Variants in ALMS1 observed in about 807,000 individuals in gnomAD.
ALMS1 encodes the protein centrosome-associated protein ALMS1.
In ALMS1, 271 loss-of-function variants were observed where a neutral mutation model predicts 352.2. The observed-to-expected ratio is 0.77, with a 90% CI of 0.70 to 0.85. The LOEUF (loss-of-function observed/expected upper bound fraction) is 0.85, where lower values mean the gene tolerates loss of function less well. Among genes scored for constraint, ALMS1 ranks in the 40% least tolerant of loss-of-function variants. The pLI is 0.00. For synonymous variants in ALMS1, 1,865 were observed against 1,761.2 expected (o/e 1.06, Z -1.48); for missense variants, 5,445 against 4,870.7 (o/e 1.12, Z -3.51).
intron 17 of ALMS1, among the ~76,000 whole-genome samples, chr2:73,600,309 C>T (rs1675648649): frequency 6.6e-6 from 1 of 152,066 alleles, no homozygotes; most frequent in South Asian, 2.1e-4. Flanking sequence ...TGTTTCTTCC[C>T]CTCAAATCCT....
At chr2:73,496,032 T>C (rs1255114760) in intron 10 of ALMS1, among the ~76,000 whole-genome samples, 3 of 152,228 alleles carry the variant, frequency 2.0e-5, no homozygotes, top group Non-Finnish European at 4.4e-5. Context: ...CCCTTCCCCA[T>C]ATTCTTCAGT....
rs185423930 is a variant in ALMS1 at position 73,601,251 on chromosome 2, G to A, written c.11929G>A (p.Val3977Met). 28 of 1,614,216 alleles carry A rather than the reference G, an allele frequency of 1.7e-5. No homozygotes were observed. The Middle Eastern group carries it at 8.2e-4, about 48-fold the overall frequency. The change falls in exon 19 of 23, where the codon GTG becomes ATG. Residue 3977 changes from valine (V) to methionine (M), a missense_variant. Transcript: ENST00000613296. ...GGAGTCTAGATCAAAGAAGGAAAAC[G>A]TGCCTAACACTTGTGGCCCTGGCAT... is the stretch of plus-strand genomic sequence containing the variant. Reference protein sequence around the residue: ...NVESRSKKENVPNTCGPGISW... With the variant: ...NVESRSKKENMPNTCGPGISW...
chr2:73,551,753 G>A (rs1258375067), intron 13 of ALMS1, among the ~76,000 whole-genome samples: 1 of 151,860 alleles, frequency 6.6e-6, no homozygotes, highest in African/African-American at 2.4e-5. Context: ...TTTTATAAAA[G>A]CTTTTTTTCT....
chr2:73,579,977 T>C (rs1675138974), intron 16 of ALMS1, among the ~76,000 whole-genome samples: 1 of 152,204 alleles, frequency 6.6e-6, no homozygotes, highest in Non-Finnish European at 1.5e-5. Flanking sequence ...TCTGCCCCTT[T>C]CTTTCTCTCT....
intron 19 of ALMS1, among the ~76,000 whole-genome samples, chr2:73,601,752 C>T (rs866404350): frequency 2.6e-4 from 39 of 152,234 alleles, no homozygotes; most frequent in Non-Finnish European, 3.2e-4. Context: ...GACGCTTGTG[C>T]GGCCTCATGT....
At chr2:73,393,005 C>T (rs1164300821) in intron 1 of ALMS1, among the ~76,000 whole-genome samples, 1 of 152,106 alleles carries the variant, frequency 6.6e-6, no homozygotes, top group Non-Finnish European at 1.5e-5. Flanking sequence ...TATTACCTGA[C>T]TTTTTTGTAG....
chr2:73,530,454 C>T (rs896167845), intron 11 of ALMS1, among the ~76,000 whole-genome samples: 1 of 152,212 alleles, frequency 6.6e-6, no homozygotes, highest in Non-Finnish European at 1.5e-5. Context: ...GCTCCCACAG[C>T]CTTGGGCAGC....
chr2:73,572,139 A>G, intron 15 of ALMS1, 123 bp from the exon 16 acceptor site: 1 of 834,788 alleles, frequency 1.2e-6, no homozygotes, highest in South Asian at 2.0e-5. Context: ...GAATTTTCTG[A>G]TACCTTATAT....
chr2:73,476,234 T>G (rs1382506579), intron 9 of ALMS1, among the ~76,000 whole-genome samples: 1 of 152,102 alleles, frequency 6.6e-6, no homozygotes, highest in Non-Finnish European at 1.5e-5. Context: ...ATTTCCTTCT[T>G]TTTTGAGATT....
chr2:73,557,440 T>G, intron 14 of ALMS1, 86 bp downstream of exon 14: 1 of 1,546,794 alleles, frequency 6.5e-7, no homozygotes, highest in African/African-American at 1.4e-5. Flanking sequence ...CAGAAATATA[T>G]TCTCTATTTT....
chr2:73,539,988 A>G (rs1331536672), intron 12 of ALMS1, among the ~76,000 whole-genome samples: 2 of 152,234 alleles, frequency 1.3e-5, no homozygotes, highest in Admixed American at 6.5e-5. Flanking sequence ...CTAGCAAGGC[A>G]GGCCAACATT....
intron 16 of ALMS1, among the ~76,000 whole-genome samples, chr2:73,573,773 T>G (rs1052017238): frequency 2.0e-5 from 3 of 151,944 alleles, no homozygotes; most frequent in African/African-American, 7.2e-5. Context: ...TTTTAATTCA[T>G]TCCTCTCTGT....
In ALMS1 at chr2:73,451,436, CTAAA is replaced by C. The variant is rs779366889; in HGVS notation, c.4914_4917del (p.Asn1638LysfsTer4). The C allele has an allele frequency of 3.7e-6, 6 of 1,613,044 alleles. No homozygotes were observed. In the East Asian group the frequency reaches 1.1e-4, roughly 30 times the overall value. On this transcript the variant is annotated frameshift_variant, in exon 8 of 23. Transcript: ENST00000613296. LOFTEE classifies it high-confidence loss of function. Reference sequence around the variant, plus strand: ...CCGGCAGGCTCTGCTAGACAGTCCTCTAAATAAAGAGGTTGTGAAAGTTTCAGCT... The same window carrying C: ...CCGGCAGGCTCTGCTAGACAGTCCTCTAAAGAGGTTGTGAAAGTTTCAGCT...
intron 12 of ALMS1, among the ~76,000 whole-genome samples, chr2:73,548,882 G>T (rs1674373062): frequency 6.6e-6 from 1 of 152,144 alleles, no homozygotes; most frequent in African/African-American, 2.4e-5. Context: ...ACCATTGAGA[G>T]ATTTGGTAGA....
intron 2 of ALMS1, among the ~76,000 whole-genome samples, chr2:73,409,864 A>G (rs1671043704): frequency 6.6e-6 from 1 of 152,188 alleles, no homozygotes; most frequent in South Asian, 2.1e-4. Flanking sequence ...GTATAGTTCC[A>G]ATTCAAGTCC....
At chr2:73,464,887 A>C (rs983303008) in intron 9 of ALMS1, among the ~76,000 whole-genome samples, 1 of 152,178 alleles carries the variant, frequency 6.6e-6, no homozygotes, top group African/African-American at 2.4e-5. Context: ...TCCAACTTAC[A>C]AGGGATGGAA....
At chr2:73,445,165 C>T (rs1671785762) in intron 7 of ALMS1, among the ~76,000 whole-genome samples, 2 of 152,006 alleles carry the variant, frequency 1.3e-5, no homozygotes, top group African/African-American at 4.8e-5. Flanking sequence ...GATATTTTGA[C>T]ACAAACATAC....
At chr2:73,543,395 C>G (rs982923737) in intron 12 of ALMS1, among the ~76,000 whole-genome samples, 1 of 152,144 alleles carries the variant, frequency 6.6e-6, no homozygotes, top group African/African-American at 2.4e-5. Context: ...ACATGTTAGA[C>G]CTAAAACCAT....
intron 11 of ALMS1, among the ~76,000 whole-genome samples, chr2:73,526,155 G>A (rs1184585769): frequency 6.6e-6 from 1 of 152,130 alleles, no homozygotes; most frequent in East Asian, 1.9e-4. Context: ...TTTTAAGCCA[G>A]TACCATGATG....
Sources: gnomAD v4.1 joint callset for allele counts (sites outside exome capture counted in the v4.1 genomes callset) on GRCh38, gnomAD v4.1.1 for gene constraint, MANE v1.5 for transcripts, NCBI Gene and HGNC (gene_info 2026-07-23, HGNC 2026-07-21) for gene names.